The following FRYL variants were observed in gnomAD, a reference collection of about 807,000 sequenced individuals.
The protein encoded by FRYL is protein furry homolog-like.
A neutral mutation model predicts 351.2 loss-of-function variants in FRYL; 150 were observed. The ratio of observed to expected loss-of-function variants is 0.43; its 90% CI spans 0.37 to 0.49. FRYL has a LOEUF of 0.49. Among genes scored for constraint, FRYL ranks in the 20% least tolerant of loss-of-function variants. The pLI is 0.00. For missense variants in FRYL, 3,036 were observed against 3,619.3 expected, an observed-to-expected ratio of 0.84 and a Z score of 4.13; for synonymous variants, 1,153 against 1,257.1, an observed-to-expected ratio of 0.92 and a Z score of 1.75.
chr4:48,727,642 C>T (rs1432741166), intron 1 of FRYL, among the ~76,000 whole-genome samples: 6 of 152,110 alleles, frequency 3.9e-5, no homozygotes, highest in African/African-American at 1.4e-4. Context: ...TCAGAAAAAT[C>T]CCCCCTACTT....
intron 57 of FRYL, 121 bp downstream of exon 57, chr4:48,512,360 A>G (rs1577874148): frequency 5.8e-6 from 4 of 694,712 alleles, no homozygotes; most frequent in Non-Finnish European, 7.1e-6. Flanking sequence ...ATTAGCTTAG[A>G]AAAAAAAAAT....
At chr4:48,580,799 T>G (rs747060336) in intron 22 of FRYL, 66 bp downstream of exon 22, 3 of 957,680 alleles carry the variant, frequency 3.1e-6, no homozygotes, top group South Asian at 2.8e-5. Flanking sequence ...CACATGTACA[T>G]GTATACATAT....
intron 26 of FRYL, 71 bp from the exon 27 acceptor site, chr4:48,570,989 T>G: frequency 8.1e-7 from 1 of 1,231,290 alleles, no homozygotes; most frequent in East Asian, 2.4e-5. Context: ...TGTGACTGCC[T>G]CAGAGAGAGG....
At chr4:48,700,073 GATGA>G (rs1383522404) in intron 2 of FRYL, among the ~76,000 whole-genome samples, 1 of 152,184 alleles carries the variant, frequency 6.6e-6, no homozygotes, top group African/African-American at 2.4e-5. Flanking sequence ...AGACACGAAT[GATGA>G]ATAAGACACC....
At chr4:48,536,848 G>C (rs1001295571) in intron 47 of FRYL, among the ~76,000 whole-genome samples, 3 of 152,026 alleles carry the variant, frequency 2.0e-5, no homozygotes, top group African/African-American at 4.8e-5. Flanking sequence ...TTGGTAATTC[G>C]GAAGATGTTT....
At chr4:48,604,259 G>C (rs559578000) in intron 11 of FRYL, among the ~76,000 whole-genome samples, 1 of 152,362 alleles carries the variant, frequency 6.6e-6, no homozygotes, top group South Asian at 2.1e-4. Context: ...GCCAGAGAAA[G>C]AGGGGAGGGA....
chr4:48,526,973 T>G (rs1726378536), intron 53 of FRYL, among the ~76,000 whole-genome samples: 3 of 152,134 alleles, frequency 2.0e-5, no homozygotes, highest in Admixed American at 6.6e-5. Flanking sequence ...ACAAACCCTT[T>G]GTGATATGTC....
chr4:48,598,342 T>C (rs1288358997), intron 13 of FRYL, among the ~76,000 whole-genome samples: 3 of 152,242 alleles, frequency 2.0e-5, no homozygotes, highest in Admixed American at 2.0e-4. Context: ...CTTGAGGGGA[T>C]GAATACCCAT....
At chr4:48,740,473 T>A (rs1771929462) in intron 1 of FRYL, among the ~76,000 whole-genome samples, 1 of 151,930 alleles carries the variant, frequency 6.6e-6, no homozygotes, top group Non-Finnish European at 1.5e-5. Flanking sequence ...TTTTGTATTT[T>A]CAGTAGAGAC....
At chr4:48,739,157 T>C (rs1196355404) in intron 1 of FRYL, among the ~76,000 whole-genome samples, 1 of 151,950 alleles carries the variant, frequency 6.6e-6, no homozygotes, top group Non-Finnish European at 1.5e-5. Context: ...TCCCAGCACA[T>C]TGGGAGGCCC....
intron 3 of FRYL, among the ~76,000 whole-genome samples, chr4:48,669,010 C>T (rs1162120541): frequency 2.6e-5 from 4 of 152,160 alleles, no homozygotes; most frequent in Non-Finnish European, 5.9e-5. Flanking sequence ...CTATTCTACT[C>T]TTCTTTTTAA....
chr4:48,751,019 G>A (rs557743061), intron 1 of FRYL, among the ~76,000 whole-genome samples: 2 of 152,280 alleles, frequency 1.3e-5, no homozygotes, highest in African/African-American at 4.8e-5. Flanking sequence ...TTGGGACTGA[G>A]GGGCACGTGA....
rs1170028142 is a variant in FRYL at position 48,675,379 on chromosome 4, T to TGCC, written c.-81+9293_-81+9294insGGC. ...CGGAAACCGGGGCTGCCTGCGGCGC[T>TGCC]TGCGGGCCAGCTGGAGTTCCGGGTG... On this transcript the variant is annotated intron_variant, in intron 3 of 63. Coordinates refer to ENST00000358350, the MANE Select transcript of FRYL (RefSeq NM_015030.2). Among the ~76,000 whole-genome samples, 13 of 152,320 alleles carry TGCC rather than the reference T, an allele frequency of 8.5e-5. 1 individual carries two copies. Among genetic ancestry groups the TGCC allele is most frequent in the Admixed American group, 8.5e-4 (13 of 15,300 alleles).
intron 1 of FRYL, among the ~76,000 whole-genome samples, chr4:48,741,396 C>A (rs928649057): frequency 2.0e-5 from 3 of 152,058 alleles, no homozygotes; most frequent in Non-Finnish European, 4.4e-5. Context: ...AAAAATTAGC[C>A]AGGCTTGGTG....
intron 4 of FRYL, among the ~76,000 whole-genome samples, chr4:48,632,424 A>G (rs1211003158): frequency 6.6e-6 from 1 of 150,542 alleles, no homozygotes; most frequent in East Asian, 1.9e-4. Context: ...TGTAATTCAG[A>G]GACCATTGAA....
intron 59 of FRYL, among the ~76,000 whole-genome samples, chr4:48,507,723 A>AGAT (rs1239450399): frequency 6.6e-6 from 1 of 151,546 alleles, no homozygotes; most frequent in East Asian, 1.9e-4. Flanking sequence ...GATGATAGAT[A>AGAT]GATAGATAGA....
intron 47 of FRYL, 117 bp from the exon 48 acceptor site, chr4:48,535,944 A>C: frequency 1.3e-6 from 1 of 771,648 alleles, no homozygotes; most frequent in South Asian, 3.4e-5. Context: ...GTTTTAATGC[A>C]TTTTACTTCA....
chr4:48,582,806 T>C, intron 19 of FRYL, 72 bp from the exon 20 acceptor site: 1 of 980,648 alleles, frequency 1.0e-6, no homozygotes, highest in Non-Finnish European at 1.6e-6. Flanking sequence ...AACTTAAAAC[T>C]ATGACCTTAA....
chr4:48,584,386 C>T (rs1240432135), intron 19 of FRYL, among the ~76,000 whole-genome samples: 5 of 152,134 alleles, frequency 3.3e-5, no homozygotes. Flanking sequence ...CTAGTCATCA[C>T]GAAGCCAACT....
Sources: allele counts gnomAD v4.1 joint callset (sites outside exome capture counted in the v4.1 genomes callset), GRCh38; gene constraint gnomAD v4.1.1; transcripts MANE v1.5; gene names NCBI Gene and HGNC (gene_info 2026-07-23, HGNC 2026-07-21).